Variants in MAPK4 observed in about 807,000 individuals in gnomAD.
MAPK4 encodes the protein mitogen-activated protein kinase 4.
MAPK4 carries 22 observed loss-of-function variants against 47.7 expected under a neutral mutation model. The observed-to-expected ratio is 0.46, with a 90% CI of 0.33 to 0.66. The LOEUF is 0.66. MAPK4 is among the 30% of genes least tolerant of loss of function. The probability of loss-of-function intolerance (pLI) is 0.02; values close to 1 mark genes in which losing one functional copy is unlikely to be tolerated. For missense variants in MAPK4, 736 were observed against 831.7 expected (o/e 0.88, Z 1.42); for synonymous variants, 390 against 365.7 (o/e 1.07, Z -0.76).
chr18:50,589,629 T>C (rs2042419501), intron 1 of MAPK4, among the ~76,000 whole-genome samples: 1 of 151,534 alleles, frequency 6.6e-6, no homozygotes, highest in East Asian at 1.9e-4. Flanking sequence ...TCTAAATGCA[T>C]GACCGTGGTG....
chr18:50,726,268 C>A, intron 5 of MAPK4, 93 bp downstream of exon 5: 1 of 1,218,990 alleles, frequency 8.2e-7, no homozygotes, highest in Non-Finnish European at 1.2e-6. Flanking sequence ...CTCTGTCTCC[C>A]AAGTTGCATA....
At chr18:50,612,059 G>A (rs2042641522) in intron 1 of MAPK4, among the ~76,000 whole-genome samples, 1 of 152,158 alleles carries the variant, frequency 6.6e-6, no homozygotes. Flanking sequence ...TACCCTAGAA[G>A]ACTTCTTTAG....
At chr18:50,640,812 ACACACACACACG>A (rs954006512) in intron 1 of MAPK4, among the ~76,000 whole-genome samples, 23 of 152,146 alleles carry the variant, frequency 1.5e-4, no homozygotes, top group African/African-American at 4.6e-4. Flanking sequence ...GCTTAAACAC[ACACACACACACG>A]CACACACACA....
At chr18:50,703,599 A>G (rs1046343495) in intron 2 of MAPK4, among the ~76,000 whole-genome samples, 6 of 152,168 alleles carry the variant, frequency 3.9e-5, no homozygotes, top group Non-Finnish European at 7.4e-5. Flanking sequence ...TTCCTCTCCC[A>G]GGTATCGAGT....
At chr18:50,704,723 A>T (rs1909962563) in intron 2 of MAPK4, 2 of 398,610 alleles carry the variant, frequency 5.0e-6, no homozygotes, top group Non-Finnish European at 8.8e-6. Context: ...GGCCTAATGG[A>T]GGACTCTGTG....
At chr18:50,707,451 T>A (rs1910118536) in intron 2 of MAPK4, among the ~76,000 whole-genome samples, 1 of 151,444 alleles carries the variant, frequency 6.6e-6, no homozygotes, top group Non-Finnish European at 1.5e-5. Context: ...GCACCTGTAG[T>A]CCCAGTCACT....
chr18:50,638,717 T>A (rs2042911086), intron 1 of MAPK4, among the ~76,000 whole-genome samples: 2 of 152,304 alleles, frequency 1.3e-5, no homozygotes, highest in South Asian at 4.1e-4. Context: ...CTGGAAGGAA[T>A]AACTGAGAGT....
intron 1 of MAPK4, among the ~76,000 whole-genome samples, chr18:50,585,943 C>T (rs1368901014): frequency 6.6e-6 from 1 of 152,198 alleles, no homozygotes; most frequent in Non-Finnish European, 1.5e-5. Context: ...ATTCAATTAT[C>T]TCCCAGTGGG....
chr18:50,728,237 C>T (rs1047960307), intron 5 of MAPK4, among the ~76,000 whole-genome samples: 9 of 152,350 alleles, frequency 5.9e-5, no homozygotes, highest in Admixed American at 2.6e-4. Context: ...AGCACCCGCA[C>T]AAGGAAGGGA....
At chr18:50,652,548 T>G (rs375127196) in intron 1 of MAPK4, among the ~76,000 whole-genome samples, 4 of 152,108 alleles carry the variant, frequency 2.6e-5, no homozygotes, top group African/African-American at 9.7e-5. Context: ...TATCCCTCGG[T>G]GGGTAGAAAG....
At chr18:50,719,915 T>A (rs529702647) in intron 3 of MAPK4, among the ~76,000 whole-genome samples, 4 of 152,188 alleles carry the variant, frequency 2.6e-5, no homozygotes, top group African/African-American at 9.6e-5. Context: ...GCCAAACAGC[T>A]CTCCTCACAT....
At position 50,567,692 on chromosome 18, in the gene MAPK4, ACAGCTAAACAT is replaced by A. The variant is rs374436828; in HGVS notation, c.-871+7450_-871+7460del. On this transcript the variant is annotated intron_variant, in intron 1 of 5. Coordinates refer to ENST00000400384, the MANE Select transcript of MAPK4 (RefSeq NM_002747.4). ...TTTCATTTACATTTTGCTTACCAAC[ACAGCTAAACAT>A]TTTTCTATAGAATTTTTTATAGGAC... 2.7e-3 allele frequency among the ~76,000 whole-genome samples: 405 copies of A among 152,052 alleles called. 3 individuals are homozygous for A. Among genetic ancestry groups the A allele is most frequent in the South Asian group, 7.3e-3 (35 of 4,806 alleles).
At chr18:50,568,528 CT>C (rs2149357355) in intron 1 of MAPK4, among the ~76,000 whole-genome samples, 1 of 152,326 alleles carries the variant, frequency 6.6e-6, no homozygotes, top group South Asian at 2.1e-4. Flanking sequence ...GTCACATACA[CT>C]TTTAATAACT....
chr18:50,612,304 A>G (rs2042644692), intron 1 of MAPK4, among the ~76,000 whole-genome samples: 1 of 152,230 alleles, frequency 6.6e-6, no homozygotes, highest in South Asian at 2.1e-4. Context: ...TTTCCATTTC[A>G]CAGCTAATTC....
At chr18:50,668,288 G>A (rs1414271572) in intron 2 of MAPK4, among the ~76,000 whole-genome samples, 2 of 152,192 alleles carry the variant, frequency 1.3e-5, no homozygotes, top group Non-Finnish European at 2.9e-5. Context: ...CCAGCAGTGT[G>A]CAGCAGCCTG....
intron 1 of MAPK4, among the ~76,000 whole-genome samples, chr18:50,624,811 C>T (rs2144136778): frequency 6.6e-6 from 1 of 151,242 alleles, no homozygotes; most frequent in East Asian, 1.9e-4. Context: ...CTTGGTGGGC[C>T]CTGCCTGGTA....
At chr18:50,670,430 C>A (rs532251873) in intron 2 of MAPK4, among the ~76,000 whole-genome samples, 2 of 152,200 alleles carry the variant, frequency 1.3e-5, no homozygotes, top group East Asian at 3.9e-4. Context: ...TGCTTCCATG[C>A]TTTGCCTCCA....
intron 2 of MAPK4, among the ~76,000 whole-genome samples, chr18:50,683,055 G>A (rs1439859769): frequency 1.3e-5 from 2 of 152,134 alleles, no homozygotes; most frequent in East Asian, 3.8e-4. Flanking sequence ...ACAAATTAGT[G>A]GTTGCCTAGG....
chr18:50,726,439 T>A (rs1911205071), intron 5 of MAPK4, among the ~76,000 whole-genome samples: 1 of 152,116 alleles, frequency 6.6e-6, no homozygotes, highest in Non-Finnish European at 1.5e-5. Flanking sequence ...TGGGGTTCAA[T>A]ACAGTGCTCC....
Sources: allele counts gnomAD v4.1 joint callset (sites outside exome capture counted in the v4.1 genomes callset), GRCh38; gene constraint gnomAD v4.1.1; transcripts MANE v1.5; gene names NCBI Gene and HGNC (gene_info 2026-07-23, HGNC 2026-07-21).